The following ANPEP variants were observed in gnomAD, a reference collection of about 807,000 sequenced individuals.
ANPEP encodes the protein aminopeptidase N.
A neutral mutation model predicts 114.6 loss-of-function variants in ANPEP; 70 were observed. The ratio of observed to expected loss-of-function variants is 0.61; its 90% CI spans 0.50 to 0.75. The LOEUF is 0.75. Among genes scored for constraint, ANPEP ranks in the 30% least tolerant of loss-of-function variants. ANPEP has a pLI of 0.00. For synonymous variants in ANPEP, 548 were observed against 522.3 expected (o/e 1.05, Z -0.67); for missense variants, 1,184 against 1,259.5 (o/e 0.94, Z 0.91).
Position 89,799,397 on chromosome 15 carries a change from G to T in ANPEP, c.1953+29C>A. ...AGTCTGGTGCCTGTCCTGGGGCAGG[G>T]GGCAGGGCGAGGGGTGGCAGACACT... is the stretch of plus-strand genomic sequence containing the variant. On this transcript the variant is annotated intron_variant, in intron 13 of 20. Coordinates refer to ENST00000300060, the MANE Select transcript of ANPEP (RefSeq NM_001150.3). This position sits in a 1 kb window ranked among gnomAD's most constrained non-coding sequence, Gnocchi z 4.2. 1 of 1,614,140 alleles carries T rather than the reference G, an allele frequency of 6.2e-7. No individual in the cohort carries two copies. Among genetic ancestry groups the T allele is most frequent in the Non-Finnish European group, 8.5e-7 (1 of 1,180,004 alleles).
chr15:89,814,058 T>C lies in ANPEP; in HGVS notation c.-224+714A>G, dbSNP rs146877717. Among the ~76,000 whole-genome samples, 846 of 149,694 alleles carry C rather than the reference T, an allele frequency of 5.7e-3. 9 individuals carry two copies. Among genetic ancestry groups the C allele is most frequent in the African/African-American group, 0.02 (803 of 40,206 alleles). The stretch of plus-strand genomic sequence containing the variant: ...CCCATTGGCCCTGTTTAGGGGACCT[T>C]TTCCCAGACCAAGAGTGGATTGCAA... On this transcript the variant is annotated intron_variant, in intron 1 of 20. Coordinates refer to ENST00000300060, the MANE Select transcript of ANPEP (RefSeq NM_001150.3).
At chr15:89,808,058 A>G (rs1894753420) in intron 1 of ANPEP, among the ~76,000 whole-genome samples, 1 of 152,058 alleles carries the variant, frequency 6.6e-6, no homozygotes, top group Admixed American at 6.5e-5. Context: ...GCTAAAAAAA[A>G]CCTTCCTTTT....
chr15:89,810,343 T>G (rs1055000237), intron 1 of ANPEP, among the ~76,000 whole-genome samples: 1 of 152,014 alleles, frequency 6.6e-6, no homozygotes, highest in South Asian at 2.1e-4. Context: ...TGTGCCACTG[T>G]ACTCCAGCCT....
At chr15:89,796,392 G>C (rs1968726814) in intron 15 of ANPEP, among the ~76,000 whole-genome samples, 1 of 152,232 alleles carries the variant, frequency 6.6e-6, no homozygotes, top group South Asian at 2.1e-4. Context: ...TACATTAGGA[G>C]GATGGGGAAT....
intron 20 of ANPEP, among the ~76,000 whole-genome samples, chr15:89,790,190 T>G (rs1391697390): frequency 3.9e-5 from 6 of 152,122 alleles, no homozygotes; most frequent in Non-Finnish European, 8.8e-5. Context: ...ACTGGCAAAA[T>G]GTTGATAATT....
At chr15:89,808,565 T>C (rs1312327201) in intron 1 of ANPEP, among the ~76,000 whole-genome samples, 2 of 152,232 alleles carry the variant, frequency 1.3e-5, no homozygotes, top group South Asian at 2.1e-4. Flanking sequence ...AGAAACTCCT[T>C]ACCAAAGTCT....
Position 89,803,078 on chromosome 15 carries a change from C to T in ANPEP, c.1569+161G>A, listed in dbSNP as rs141145419. Among the ~76,000 whole-genome samples, 54 of 152,278 alleles carry T rather than the reference C, an allele frequency of 3.5e-4. No homozygotes were observed. Among genetic ancestry groups the T allele is most frequent in the African/African-American group, 1.3e-3 (52 of 41,556 alleles). ...AGACACCTCTTGCAAGGAGCCATCC[C>T]GGCTTCCACTATAGGGAGGAGCAAC... On this transcript the variant is annotated intron_variant, in intron 10 of 20. Coordinates refer to ENST00000300060, the MANE Select transcript of ANPEP (RefSeq NM_001150.3). The surrounding 1 kb of genome is among the most constrained non-coding windows in gnomAD (Gnocchi z 4.2).
Position 89,799,121 on chromosome 15 carries a change from C to T in ANPEP, c.2009+139G>A, listed in dbSNP as rs544400371. On this transcript the variant is annotated intron_variant, in intron 14 of 20. Transcript: ENST00000300060. This position sits in a 1 kb window ranked among gnomAD's most constrained non-coding sequence, Gnocchi z 4.2. ...GGGTGTGTGGGGACCCAGGGAGGGACGTCCAGGGAGCACAGGAGCTCAGGG... is the reference window on the plus strand; with the variant it reads ...GGGTGTGTGGGGACCCAGGGAGGGATGTCCAGGGAGCACAGGAGCTCAGGG... 8 of 908,604 alleles carry T rather than the reference C, an allele frequency of 8.8e-6. No individual in the cohort carries two copies. Among genetic ancestry groups the T allele is most frequent in the East Asian group, 2.6e-5 (1 of 38,944 alleles). 56.3% of individuals were successfully genotyped at this position (908,604 alleles called of 1,614,324 possible). A position where few individuals can be genotyped will look rare whatever the true frequency, so the allele number is the denominator to read the frequency against.
intron 12 of ANPEP, among the ~76,000 whole-genome samples, chr15:89,800,116 T>A (rs1894557113): frequency 1.3e-5 from 2 of 152,194 alleles, no homozygotes; most frequent in Admixed American, 6.5e-5. Context: ...CCTGGGGCCC[T>A]TGGGGACCAG....
rs1023920172 is a variant in ANPEP, at chr15:89,792,146, G to A, written c.2528+14C>T. On this transcript the variant is annotated intron_variant, in intron 18 of 20. Transcript: ENST00000300060. ...GAGAGGGCTCTCGCAGTCCCACCCT[G>A]CGCCAAGACTCACCTGTTCAGGATC... The A allele has an allele frequency of 2.5e-6, 4 of 1,610,766 alleles. No individual in the cohort carries two copies. In the African/African-American group the frequency reaches 5.3e-5, roughly 22 times the overall value.
chr15:89,814,001 G>T (rs955077713), intron 1 of ANPEP, among the ~76,000 whole-genome samples: 11 of 151,610 alleles, frequency 7.3e-5, no homozygotes, highest in Middle Eastern at 3.4e-3. Flanking sequence ...TGGGGGGGGG[G>T]GGTGCGTTCT....
Position 89,785,154 on chromosome 15 carries a change from G to T in ANPEP, c.*195C>A. 1.5e-6 allele frequency: 1 copy of T among 682,872 alleles called. No homozygotes were observed. Among genetic ancestry groups the T allele is most frequent in the Non-Finnish European group, 2.4e-6 (1 of 416,144 alleles). The allele number at this position is 682,872 out of a possible 1,614,324, so 42.3% of individuals were successfully genotyped here. On this transcript the variant is annotated 3_prime_UTR_variant, in exon 21 of 21. Transcript: ENST00000300060. ...GGGGTTGGCATGAGGGGCAGGGGCT[G>T]GGAGGTGCTCAGGCAGCCTGGGTCA...
At chr15:89,797,108 C>A (rs547167351) in intron 15 of ANPEP, among the ~76,000 whole-genome samples, 1 of 152,168 alleles carries the variant, frequency 6.6e-6, no homozygotes, top group Non-Finnish European at 1.5e-5. Context: ...TCTCTCATAG[C>A]GCAGGTGGGC....
At chr15:89,791,156 C>G in intron 18 of ANPEP, 63 bp from the exon 19 acceptor site, 1 of 1,570,372 alleles carries the variant, frequency 6.4e-7, no homozygotes, top group African/African-American at 1.4e-5. Flanking sequence ...AGAACTTGGA[C>G]TGTCCCACGC....
rs1045638728 is a variant in ANPEP at position 89,797,891 on chromosome 15, T to A, written c.2010-169A>T. Among the ~76,000 whole-genome samples the A allele has an allele frequency of 2.0e-5, 3 of 152,196 alleles. No homozygotes were observed. The East Asian group carries it at 5.8e-4, about 29-fold the overall frequency. ...ACTGAGCCAGCTCAGGCATTTGCCA[T>A]GGAAAAAGAGCTACATGGCTGCTGG... is the stretch of plus-strand genomic sequence containing the variant. On this transcript the variant is annotated intron_variant, in intron 14 of 20. Transcript: ENST00000300060.
In ANPEP at chr15:89,792,451, C is replaced by G; in HGVS notation, c.2360+1G>C. The stretch of plus-strand genomic sequence containing the variant: ...AGAGGAGGCGCAGGGGAGACACTCA[C>G]GGGTTATTATTGGGGTTCTCCATCC... On this transcript the variant is annotated splice_donor_variant, in intron 17 of 20. Coordinates refer to ENST00000300060, the MANE Select transcript of ANPEP (RefSeq NM_001150.3). LOFTEE classifies it high-confidence loss of function. The G allele has an allele frequency of 6.2e-7, 1 of 1,613,986 alleles. No homozygotes were observed. The highest frequency in any genetic ancestry group is 8.5e-7 in the Non-Finnish European group (1 of 1,179,900).
At chr15:89,813,267 C>T (rs147202083) in intron 1 of ANPEP, among the ~76,000 whole-genome samples, 7 of 152,324 alleles carry the variant, frequency 4.6e-5, no homozygotes, top group East Asian at 1.9e-4. Flanking sequence ...TGGCTCCTTC[C>T]GACATGGGGA....
chr15:89,794,674 C>T (rs1968695416), intron 15 of ANPEP, among the ~76,000 whole-genome samples: 2 of 151,818 alleles, frequency 1.3e-5, no homozygotes, highest in Non-Finnish European at 2.9e-5. Flanking sequence ...AGAGATTGAA[C>T]CAGGGGGCTC....
chr15:89,793,058 C>A lies in ANPEP; in HGVS notation c.2226G>T (p.Glu742Asp), dbSNP rs368682476. 5.0e-6 allele frequency: 8 copies of A among 1,614,158 alleles called. No individual in the cohort carries two copies. The highest frequency in any genetic ancestry group is 6.8e-6 in the Non-Finnish European group (8 of 1,179,992). ...ACTGGTCCATCAGGTTTTCTGGGAT[C>A]TCCCTCCAGTTGTTGGTATTATTTC... ...HFRNNTNNWREIPENLMDQYS... is the reference protein window; with the variant it reads ...HFRNNTNNWRDIPENLMDQYS... Residue 742 changes from glutamate (E) to aspartate (D), a missense_variant, in exon 16 of 21, where the codon GAG becomes GAT. Physicochemically the swap from Glu to Asp is conservative, Grantham distance 45. Transcript: ENST00000300060.
Sources: gnomAD v4.1 joint callset for allele counts (sites outside exome capture counted in the v4.1 genomes callset) on GRCh38, gnomAD v4.1.1 for gene constraint, Gnocchi (gnomAD v3.1) non-coding constraint, MANE v1.5 for transcripts, NCBI Gene and HGNC (gene_info 2026-07-23, HGNC 2026-07-21) for gene names.